Variants in GALNT13 observed in about 807,000 individuals in gnomAD.
GALNT13 encodes the protein UDP-GalNAc:polypeptide N-acetylgalactosaminyltransferase 13.
A neutral mutation model predicts 64.2 loss-of-function variants in GALNT13; 28 were observed. The observed-to-expected ratio is 0.44, with a 90% CI of 0.32 to 0.60. GALNT13 has a LOEUF of 0.60. Ranked by LOEUF, GALNT13 falls within the 20% of genes least tolerant of loss-of-function variation. The pLI, the probability that GALNT13 is intolerant of heterozygous loss-of-function variation, is 0.05. For synonymous variants in GALNT13, 214 were observed against 224.6 expected (o/e 0.95, Z 0.42); for missense variants, 577 against 669.8 (o/e 0.86, Z 1.53).
At chr2:154,216,839 T>C (rs1423203275) in intron 4 of GALNT13, among the ~76,000 whole-genome samples, 1 of 147,636 alleles carries the variant, frequency 6.8e-6, no homozygotes, top group Non-Finnish European at 1.5e-5. Context: ...AGACAGGGTC[T>C]TTCTCTGTTA....
At chr2:153,814,400 A>G in the GALNT13 span, among the ~76,000 whole-genome samples, 2 of 152,204 alleles carry the variant, frequency 1.3e-5, no homozygotes, top group African/African-American at 2.4e-5. Flanking sequence ...AGATAGCGCC[A>G]CTGCACTCCA....
the GALNT13 span, among the ~76,000 whole-genome samples, chr2:153,858,571 T>TAA: frequency 6.6e-6 from 1 of 152,170 alleles, no homozygotes; most frequent in East Asian, 1.9e-4. Context: ...AGAGAGATCA[T>TAA]ATTTATATAA....
the GALNT13 span, among the ~76,000 whole-genome samples, chr2:153,398,713 A>C: frequency 4.0e-5 from 6 of 151,026 alleles, no homozygotes; most frequent in Non-Finnish European, 7.4e-5. Flanking sequence ...TGGCTGCATA[A>C]ATGTCTTCTT....
chr2:153,749,734 G>A, the GALNT13 span, among the ~76,000 whole-genome samples: 4 of 151,646 alleles, frequency 2.6e-5, no homozygotes, highest in Non-Finnish European at 4.4e-5. Context: ...CTTTTTTGTG[G>A]CATCTTTAGA....
At chr2:153,275,143 C>G in the GALNT13 span, among the ~76,000 whole-genome samples, 1 of 152,054 alleles carries the variant, frequency 6.6e-6, no homozygotes, top group African/African-American at 2.4e-5. Flanking sequence ...CAAAAATAAC[C>G]CCTGTTAATA....
At chr2:153,377,504 C>T in the GALNT13 span, among the ~76,000 whole-genome samples, 1 of 152,102 alleles carries the variant, frequency 6.6e-6, no homozygotes, top group African/African-American at 2.4e-5. Context: ...TAGTTTCTCA[C>T]TCTGTTAGTT....
chr2:153,829,583 G>T, the GALNT13 span, among the ~76,000 whole-genome samples: 2 of 152,078 alleles, frequency 1.3e-5, no homozygotes, highest in Non-Finnish European at 2.9e-5. Context: ...AATTGTGGGA[G>T]TTACAATTCA....
the GALNT13 span, among the ~76,000 whole-genome samples, chr2:153,682,984 A>C: frequency 6.6e-6 from 1 of 151,868 alleles, no homozygotes; most frequent in South Asian, 2.1e-4. Flanking sequence ...ATCTTTTACA[A>C]ATGTAAAGAA....
At chr2:154,430,568 G>T (rs1399729559) in intron 11 of GALNT13, among the ~76,000 whole-genome samples, 1 of 152,184 alleles carries the variant, frequency 6.6e-6, no homozygotes, top group African/African-American at 2.4e-5. Context: ...GAACACTGTT[G>T]AAATGACAAC....
chr2:154,067,311 G>C (rs1700517238), intron 3 of GALNT13, among the ~76,000 whole-genome samples: 1 of 151,940 alleles, frequency 6.6e-6, no homozygotes, highest in Admixed American at 6.6e-5. Flanking sequence ...AAATGTAAAT[G>C]GACTAAACTC....
chr2:153,630,588 T>G, the GALNT13 span, among the ~76,000 whole-genome samples: 1 of 148,630 alleles, frequency 6.7e-6, no homozygotes, highest in Non-Finnish European at 1.5e-5. Context: ...ACATGGCACA[T>G]GTATACATAT....
At chr2:153,972,794 CT>C (rs933760410) in intron 3 of GALNT13, among the ~76,000 whole-genome samples, 1 of 151,972 alleles carries the variant, frequency 6.6e-6, no homozygotes, top group African/African-American at 2.4e-5. Context: ...GTATTTCTTC[CT>C]TTAATGAAGT....
the GALNT13 span, among the ~76,000 whole-genome samples, chr2:153,173,738 A>G: frequency 6.6e-6 from 1 of 152,070 alleles, no homozygotes; most frequent in Non-Finnish European, 1.5e-5. Flanking sequence ...TTCCAGCATC[A>G]ATTTTTAAGT....
At chr2:153,474,076 AT>A in the GALNT13 span, among the ~76,000 whole-genome samples, 2 of 152,184 alleles carry the variant, frequency 1.3e-5, no homozygotes, top group African/African-American at 4.8e-5. Context: ...TGCTTTGATT[AT>A]TGTAAATAAC....
chr2:153,078,748 A>G, the GALNT13 span, among the ~76,000 whole-genome samples: 2 of 152,102 alleles, frequency 1.3e-5, no homozygotes, highest in Non-Finnish European at 2.9e-5. Context: ...CCTTTAAATA[A>G]GATGCTCTCA....
intron 4 of GALNT13, among the ~76,000 whole-genome samples, chr2:154,229,274 CT>C (rs1202038212): frequency 1.3e-5 from 2 of 152,066 alleles, no homozygotes; most frequent in African/African-American, 4.8e-5. Flanking sequence ...ATAACTACAT[CT>C]TTCTTCAAGA....
At chr2:154,211,010 A>G (rs974738310) in intron 4 of GALNT13, among the ~76,000 whole-genome samples, 9 of 152,188 alleles carry the variant, frequency 5.9e-5, no homozygotes, top group African/African-American at 1.7e-4. Context: ...AATTTTGGAT[A>G]TGTTAACTTT....
intron 3 of GALNT13, among the ~76,000 whole-genome samples, chr2:154,126,985 C>A (rs926913510): frequency 6.6e-6 from 1 of 152,058 alleles, no homozygotes; most frequent in African/African-American, 2.4e-5. Context: ...CATATTTGAT[C>A]AATAAGCAAT....
At chr2:153,622,373 T>G in the GALNT13 span, among the ~76,000 whole-genome samples, 1 of 152,150 alleles carries the variant, frequency 6.6e-6, no homozygotes, top group Non-Finnish European at 1.5e-5. Context: ...AAGGTTATAT[T>G]TTGAGATATT....
Sources: gnomAD v4.1 joint callset for allele counts (sites outside exome capture counted in the v4.1 genomes callset) on GRCh38, gnomAD v4.1.1 for gene constraint, MANE v1.5 for transcripts, NCBI Gene and HGNC (gene_info 2026-07-23, HGNC 2026-07-21) for gene names.